Variants in CENPP observed in about 807,000 individuals in gnomAD.
CENPP encodes the protein centromere protein P.
In CENPP, 24 loss-of-function variants were observed where a neutral mutation model predicts 35.6. That is an observed-to-expected ratio of 0.67 (90% confidence interval 0.49 to 0.95). CENPP has a LOEUF of 0.95. Ranked by LOEUF, CENPP falls within the 40% of genes least tolerant of loss-of-function variation. CENPP has a pLI of 0.00. For missense variants in CENPP, 332 were observed against 345.3 expected, an observed-to-expected ratio of 0.96 and a Z score of 0.31; for synonymous variants, 120 against 125.5, an observed-to-expected ratio of 0.96 and a Z score of 0.29.
At chr9:92,424,743 C>G (rs529094987) in intron 5 of CENPP, among the ~76,000 whole-genome samples, 1 of 152,166 alleles carries the variant, frequency 6.6e-6, no homozygotes, top group Non-Finnish European at 1.5e-5. Context: ...GGTGCAACCT[C>G]GGCTCACCAC....
intron 5 of CENPP, among the ~76,000 whole-genome samples, chr9:92,382,656 G>C (rs1000972333): frequency 6.6e-6 from 1 of 152,028 alleles, no homozygotes; most frequent in East Asian, 1.9e-4. Context: ...CTTAAGTTTA[G>C]GTCTTTTAGT....
At chr9:92,370,561 A>ATCT (rs1428321169) in intron 4 of CENPP, among the ~76,000 whole-genome samples, 1 of 151,806 alleles carries the variant, frequency 6.6e-6, no homozygotes, top group African/African-American at 2.4e-5. Flanking sequence ...GCTCACTGCA[A>ATCT]CCTCCGCTTT....
intron 5 of CENPP, among the ~76,000 whole-genome samples, chr9:92,481,455 A>G (rs1036126207): frequency 1.3e-5 from 2 of 152,164 alleles, no homozygotes; most frequent in African/African-American, 4.8e-5. Flanking sequence ...TCCCTACACC[A>G]TGTGGCCACT....
chr9:92,439,803 A>G (rs2131000731), intron 5 of CENPP, among the ~76,000 whole-genome samples: 1 of 152,352 alleles, frequency 6.6e-6, no homozygotes. Flanking sequence ...TACAAGTACC[A>G]TTTGGGTGAA....
chr9:92,425,955 A>C (rs1296686690), intron 5 of CENPP, among the ~76,000 whole-genome samples: 1 of 152,240 alleles, frequency 6.6e-6, no homozygotes, highest in Non-Finnish European at 1.5e-5. Flanking sequence ...CCTAATGTTT[A>C]TATAACTTCT....
At position 92,325,953 on chromosome 9, in the gene CENPP, G is replaced by T; in HGVS notation, c.-46G>T. 6.1e-6 allele frequency: 9 copies of T among 1,483,956 alleles called. No homozygotes were observed. The highest frequency in any genetic ancestry group is 8.3e-6 in the Non-Finnish European group (9 of 1,088,166). The allele number at this position is 1,483,956 out of a possible 1,614,324, so 91.9% of individuals were successfully genotyped here. A position where few individuals can be genotyped will look rare whatever the true frequency, so the allele number is the denominator to read the frequency against. On this transcript the variant is annotated 5_prime_UTR_variant, in exon 1 of 8. Coordinates refer to ENST00000375587, the MANE Select transcript of CENPP (RefSeq NM_001012267.3). ...GAAGCGCGGGTGAAGCGCGCAGGTC[G>T]GAGTGACAGCTGCGCTGCCGGCCCG... is the stretch of plus-strand genomic sequence containing the variant.
At chr9:92,587,461 T>C (rs902750485) in intron 5 of CENPP, among the ~76,000 whole-genome samples, 3 of 151,548 alleles carry the variant, frequency 2.0e-5, no homozygotes, top group African/African-American at 7.3e-5. Flanking sequence ...AAGAGCGAAA[T>C]TGCCATCTCA....
At chr9:92,554,048 C>T (rs536737535) in intron 5 of CENPP, among the ~76,000 whole-genome samples, 2 of 152,236 alleles carry the variant, frequency 1.3e-5, no homozygotes, top group African/African-American at 2.4e-5. Context: ...GTGGGTTTGT[C>T]GTAGATGGCT....
At chr9:92,416,958 A>T (rs1478227937) in intron 5 of CENPP, 1 of 1,613,862 alleles carries the variant, frequency 6.2e-7, no homozygotes, top group South Asian at 1.1e-5. Context: ...TTTAGCAGAG[A>T]ATCATGAAGA....
chr9:92,452,946 TC>T (rs1404811985), intron 5 of CENPP, among the ~76,000 whole-genome samples: 9 of 152,150 alleles, frequency 5.9e-5, no homozygotes, highest in Non-Finnish European at 1.3e-4. Flanking sequence ...GGTGGTGATA[TC>T]CCCTTTATCA....
intron 5 of CENPP, among the ~76,000 whole-genome samples, chr9:92,511,221 A>T (rs528514079): frequency 6.6e-6 from 1 of 151,900 alleles, no homozygotes; most frequent in South Asian, 2.1e-4. Context: ...CGCCTCCCGA[A>T]TTCAAGCGAT....
chr9:92,569,922 A>G (rs1002187592), intron 5 of CENPP, among the ~76,000 whole-genome samples: 16 of 152,148 alleles, frequency 1.1e-4, no homozygotes, highest in African/African-American at 3.6e-4. Context: ...ATTTTTGCAC[A>G]TTGATTTTGT....
intron 5 of CENPP, among the ~76,000 whole-genome samples, chr9:92,511,011 T>G (rs1847300075): frequency 1.3e-5 from 2 of 152,208 alleles, no homozygotes; most frequent in South Asian, 4.1e-4. Flanking sequence ...TTTCACTTAG[T>G]GGAATATAGT....
intron 5 of CENPP, among the ~76,000 whole-genome samples, chr9:92,509,724 T>C (rs1476788783): frequency 6.6e-6 from 1 of 152,228 alleles, no homozygotes; most frequent in Non-Finnish European, 1.5e-5. Flanking sequence ...CAGTTTAAAA[T>C]TCATTTTACG....
intron 5 of CENPP, chr9:92,514,668 C>A: frequency 6.2e-7 from 1 of 1,602,594 alleles, no homozygotes. Flanking sequence ...GTGCTGTCAG[C>A]GGTGGTATCT....
At chr9:92,445,059 A>C (rs1032004266) in intron 5 of CENPP, among the ~76,000 whole-genome samples, 2 of 152,106 alleles carry the variant, frequency 1.3e-5, no homozygotes, top group African/African-American at 2.4e-5. Context: ...GTCCCTGTTC[A>C]TGCTCCACTG....
intron 5 of CENPP, among the ~76,000 whole-genome samples, chr9:92,544,456 A>G (rs1050397127): frequency 3.3e-5 from 5 of 152,250 alleles, no homozygotes; most frequent in Admixed American, 1.3e-4. Context: ...AGCCTGGGCA[A>G]CAGAGCAAGA....
At chr9:92,379,918 A>C in intron 5 of CENPP, 59 bp downstream of exon 5, 1 of 1,033,522 alleles carries the variant, frequency 9.7e-7, no homozygotes, top group Non-Finnish European at 1.5e-6. Context: ...ATATTAATTG[A>C]GAATTCATCC....
intron 5 of CENPP, among the ~76,000 whole-genome samples, chr9:92,606,677 G>A (rs556355333): frequency 1.3e-5 from 2 of 152,318 alleles, no homozygotes; most frequent in South Asian, 2.1e-4. Context: ...AGGCCAAGGC[G>A]GGCAGATCAT....
Sources: allele counts gnomAD v4.1 joint callset (sites outside exome capture counted in the v4.1 genomes callset), GRCh38; gene constraint gnomAD v4.1.1; transcripts MANE v1.5; gene names NCBI Gene and HGNC (gene_info 2026-07-23, HGNC 2026-07-21).